Variants in PSMD1 observed in about 807,000 individuals in gnomAD.
PSMD1 encodes the protein 26S proteasome non-ATPase regulatory subunit 1.
Under a neutral mutation model 119.0 loss-of-function variants are expected in PSMD1, and 18 were observed. That is an observed-to-expected ratio of 0.15 (90% confidence interval 0.10 to 0.22). PSMD1 has a LOEUF of 0.22. Ranked by LOEUF, PSMD1 falls within the 10% of genes least tolerant of loss-of-function variation. The pLI is 1.00. For synonymous variants in PSMD1, 374 were observed against 396.6 expected (o/e 0.94, Z 0.68); for missense variants, 702 against 1,158.5 (o/e 0.61, Z 5.72).
chr2:231,161,459 T>G lies in PSMD1; in HGVS notation c.2338T>G (p.Ser780Ala). The change falls in exon 20 of 25, where the codon TCA (serine) becomes GCA (alanine). Residue 780 changes from serine to alanine, a missense_variant. By Grantham distance (99) the Ser-to-Ala change is moderately conservative. Coordinates refer to ENST00000308696, the MANE Select transcript of PSMD1 (RefSeq NM_002807.4). ...CTGGTTTCCTCTTTCACACTTCCTG[T>G]CATTGGCTTATACCCCTACCTGTGT... ...WFWFPLSHFL[S>A]LAYTPTCVIG... The G allele has an allele frequency of 6.2e-7, 1 of 1,614,140 alleles. No homozygotes were observed. Among genetic ancestry groups the G allele is most frequent in the Non-Finnish European group, 8.5e-7 (1 of 1,180,022 alleles).
chr2:231,132,679 T>C (rs1386877053), intron 16 of PSMD1, among the ~76,000 whole-genome samples: 1 of 152,196 alleles, frequency 6.6e-6, no homozygotes, highest in Non-Finnish European at 1.5e-5. Context: ...CAGAGAAATT[T>C]AGTGATTGTC....
rs1693605462 is a variant in PSMD1, at chr2:231,056,926, G to T, written c.-100G>T. On this transcript the variant is annotated 5_prime_UTR_variant, in exon 1 of 25. Coordinates refer to ENST00000308696, the MANE Select transcript of PSMD1 (RefSeq NM_002807.4). ...GCGACTGACTGAGCAGCGCACCCGG[G>T]GAGCAAGGAGGCGCGGTGAACTGAG... The T allele has an allele frequency of 6.7e-7, 1 of 1,483,708 alleles. No homozygotes were observed. Among genetic ancestry groups the T allele is most frequent in the Non-Finnish European group, 9.1e-7 (1 of 1,099,436 alleles). The allele number at this position is 1,483,708 out of a possible 1,614,324, so 91.9% of individuals were successfully genotyped here. A position where few individuals can be genotyped will look rare whatever the true frequency, so the allele number is the denominator to read the frequency against.
At chr2:231,075,428 T>C (rs1559220348) in intron 7 of PSMD1, 83 bp from the exon 8 acceptor site, 7 of 1,251,996 alleles carry the variant, frequency 5.6e-6, no homozygotes, top group Non-Finnish European at 7.9e-6. Context: ...TTGCAAAATA[T>C]TCAATTTGGA....
At chr2:231,161,651 G>A (rs1333069548) in intron 20 of PSMD1, 142 bp downstream of exon 20, 19 of 970,804 alleles carry the variant, frequency 2.0e-5, no homozygotes, top group Non-Finnish European at 2.6e-5. Flanking sequence ...AAGTTGAATC[G>A]TCACCTTTTT....
intron 23 of PSMD1, among the ~76,000 whole-genome samples, chr2:231,167,717 T>C (rs2125272906): frequency 6.6e-6 from 1 of 152,344 alleles, no homozygotes; most frequent in Middle Eastern, 3.4e-3. Context: ...CTTTATAGAA[T>C]AGGAGAAAAT....
intron 12 of PSMD1, 67 bp downstream of exon 12, chr2:231,080,381 T>G: frequency 7.7e-7 from 1 of 1,302,264 alleles, no homozygotes; most frequent in Admixed American, 2.6e-5. Context: ...TTTGCCACAT[T>G]ATTTTAGTGA....
chr2:231,134,542 A>T (rs114868881), intron 16 of PSMD1, among the ~76,000 whole-genome samples: 1 of 152,332 alleles, frequency 6.6e-6, no homozygotes, highest in African/African-American at 2.4e-5. Flanking sequence ...TTCTTCAGAA[A>T]GCTCTGATTC....
At chr2:231,130,201 C>T (rs1695821890) in intron 16 of PSMD1, among the ~76,000 whole-genome samples, 1 of 152,150 alleles carries the variant, frequency 6.6e-6, no homozygotes, top group African/African-American at 2.4e-5. Flanking sequence ...CCTCAGATTC[C>T]CACAACATGT....
At chr2:231,094,569 G>A (rs1694681109) in intron 16 of PSMD1, among the ~76,000 whole-genome samples, 1 of 152,192 alleles carries the variant, frequency 6.6e-6, no homozygotes, top group South Asian at 2.1e-4. Flanking sequence ...AAAGTTTCCA[G>A]TGCCAGTATT....
intron 23 of PSMD1, among the ~76,000 whole-genome samples, chr2:231,167,607 G>A (rs1175976747): frequency 2.0e-5 from 3 of 152,208 alleles, no homozygotes; most frequent in East Asian, 3.8e-4. Context: ...GGGAGACTTT[G>A]TGTTCCAAAG....
chr2:231,114,848 T>C (rs1045343818), intron 16 of PSMD1, among the ~76,000 whole-genome samples: 1 of 152,200 alleles, frequency 6.6e-6, no homozygotes, highest in African/African-American at 2.4e-5. Context: ...CACCCACCAC[T>C]TAACATGTTT....
intron 16 of PSMD1, among the ~76,000 whole-genome samples, chr2:231,119,609 G>A (rs966967889): frequency 1.3e-5 from 2 of 152,116 alleles, no homozygotes; most frequent in Non-Finnish European, 2.9e-5. Flanking sequence ...GGTGGCTCAT[G>A]TCTGTAATCC....
chr2:231,101,500 A>G (rs1694865639), intron 16 of PSMD1, among the ~76,000 whole-genome samples: 1 of 152,260 alleles, frequency 6.6e-6, no homozygotes, highest in Non-Finnish European at 1.5e-5. Context: ...AATTGGGAAT[A>G]TTTAGTAAAG....
At chr2:231,153,730 C>T (rs1192816424) in intron 19 of PSMD1, 64 bp downstream of exon 19, 2 of 1,145,902 alleles carry the variant, frequency 1.7e-6, no homozygotes, top group Non-Finnish European at 2.5e-6. Flanking sequence ...TAACTATCTG[C>T]TCTAACTATA....
intron 4 of PSMD1, among the ~76,000 whole-genome samples, 182 bp from the exon 5 acceptor site, chr2:231,066,724 T>C (rs1019588996): frequency 2.0e-5 from 3 of 152,188 alleles, no homozygotes; most frequent in African/African-American, 7.2e-5. Context: ...AATTAATGTG[T>C]AGTTCTCCGG....
At position 231,077,038 on chromosome 2, in the gene PSMD1, C is replaced by T. The variant is rs771547187; in HGVS notation, c.947C>T (p.Pro316Leu). The T allele has an allele frequency of 6.3e-7, 1 of 1,594,024 alleles. No homozygotes were observed. Among genetic ancestry groups the T allele is most frequent in the Non-Finnish European group, 8.5e-7 (1 of 1,174,172 alleles). The change falls in exon 9 of 25, where the codon CCA (proline) becomes CTA (leucine). Residue 316 changes from proline (P) to leucine (L), a missense_variant. Physicochemically the swap from Pro to Leu is moderately conservative, Grantham distance 98 (BLOSUM62 -3). Transcript: ENST00000308696. ...TTTTTTTGTTTGTTTTGGCAGAGTCCAGAGCCTAAGGACCAGACTTTGAAA... is the reference window on the plus strand; with the variant it reads ...TTTTTTTGTTTGTTTTGGCAGAGTCTAGAGCCTAAGGACCAGACTTTGAAA... ...AFVGKTPEAS[P>L]EPKDQTLKMI...
At chr2:231,126,501 A>C (rs890129748) in intron 16 of PSMD1, among the ~76,000 whole-genome samples, 2 of 152,166 alleles carry the variant, frequency 1.3e-5, no homozygotes, top group Non-Finnish European at 2.9e-5. Flanking sequence ...TGTGAGTTAC[A>C]CTTTGACATC....
intron 21 of PSMD1, 148 bp downstream of exon 21, chr2:231,163,875 C>T (rs1696695896): frequency 6.2e-6 from 4 of 646,036 alleles, no homozygotes; most frequent in South Asian, 2.3e-5. Context: ...AAGTGAAAGT[C>T]CTTTTTGTCT....
chr2:231,155,539 A>C (rs914175124), intron 19 of PSMD1, among the ~76,000 whole-genome samples: 2 of 150,864 alleles, frequency 1.3e-5, no homozygotes, highest in African/African-American at 2.4e-5. Context: ...TTCTAATTTG[A>C]TTAATCCTTT....
Sources: gnomAD v4.1 joint callset for allele counts (sites outside exome capture counted in the v4.1 genomes callset) on GRCh38, gnomAD v4.1.1 for gene constraint, MANE v1.5 for transcripts, NCBI Gene and HGNC (gene_info 2026-07-23, HGNC 2026-07-21) for gene names.